The following ROBO2 variants were observed in gnomAD, a reference collection of about 807,000 sequenced individuals.
ROBO2 encodes roundabout guidance receptor 2.
Under a neutral mutation model 160.8 loss-of-function variants are expected in ROBO2, and 53 were observed. That is an observed-to-expected ratio of 0.33 (90% CI 0.26 to 0.41). ROBO2 has a LOEUF of 0.41. Ranked by LOEUF, ROBO2 falls within the 10% of genes least tolerant of loss-of-function variation. The probability of loss-of-function intolerance (pLI) is 1.00; values close to 1 mark genes in which losing one functional copy is unlikely to be tolerated. For synonymous variants in ROBO2, 664 were observed against 611.7 expected, an observed-to-expected ratio of 1.09 and a Z score of -1.26; for missense variants, 1,577 against 1,722.4, an observed-to-expected ratio of 0.92 and a Z score of 1.49.
At chr3:76,975,807 C>A (rs1051304519) in intron 2 of ROBO2, among the ~76,000 whole-genome samples, 3 of 151,884 alleles carry the variant, frequency 2.0e-5, no homozygotes, top group Admixed American at 2.0e-4. Flanking sequence ...GTGTGCTTAG[C>A]ATTAAAAAAA....
chr3:77,481,413 TTTAA>T (rs1300367867), intron 4 of ROBO2, among the ~76,000 whole-genome samples, 194 bp downstream of exon 4: 5 of 152,162 alleles, frequency 3.3e-5, no homozygotes, highest in African/African-American at 7.2e-5. Flanking sequence ...TATTTGAAAC[TTTAA>T]TTAACTTACA....
At chr3:76,383,882 A>G (rs911284903) in intron 2 of ROBO2, among the ~76,000 whole-genome samples, 6 of 152,192 alleles carry the variant, frequency 3.9e-5, no homozygotes, top group Non-Finnish European at 5.9e-5. Flanking sequence ...TGAATTTTCT[A>G]TGCGTCAGGG....
chr3:76,910,064 G>A (rs2148922983), intron 2 of ROBO2, among the ~76,000 whole-genome samples: 1 of 152,248 alleles, frequency 6.6e-6, no homozygotes, highest in East Asian at 1.9e-4. Flanking sequence ...AAACTGGCAT[G>A]TAACTACTGC....
chr3:77,456,371 TAGGTAGGAAAG>T (rs559012717), intron 2 of ROBO2, among the ~76,000 whole-genome samples: 26 of 152,254 alleles, frequency 1.7e-4, no homozygotes, highest in African/African-American at 6.0e-4. Context: ...GAATATTGGT[TAGGTAGGAAAG>T]AGGTAGGGGG....
At chr3:77,058,211 TA>T (rs1417551897) in intron 1 of ROBO2, among the ~76,000 whole-genome samples, 1 of 152,240 alleles carries the variant, frequency 6.6e-6, no homozygotes, top group Non-Finnish European at 1.5e-5. Context: ...TGAGCTTAGA[TA>T]TTTTTTGCTT....
rs570341479 is a variant in ROBO2 at position 76,898,746 on chromosome 3, C to T, written c.110-199268C>T. On this transcript the variant is annotated intron_variant, in intron 2 of 26. Transcript: ENST00000487694. Reference sequence around the variant, plus strand: ...AGCAAGTCTTCCTTCAGCAGTATGGCGGTGTGAAGAATCATTATTACATTA... The same window carrying T: ...AGCAAGTCTTCCTTCAGCAGTATGGTGGTGTGAAGAATCATTATTACATTA... Among the ~76,000 whole-genome samples the T allele has an allele frequency of 2.2e-4, 33 of 152,056 alleles. 1 individual carries two copies. Among genetic ancestry groups the T allele is most frequent in the South Asian group, 2.1e-3 (10 of 4,830 alleles).
intron 2 of ROBO2, among the ~76,000 whole-genome samples, chr3:77,134,286 A>G (rs1337678345): frequency 6.6e-6 from 1 of 152,232 alleles, no homozygotes; most frequent in Non-Finnish European, 1.5e-5. Flanking sequence ...ATGATAGGTA[A>G]GCTTTTAAAA....
At chr3:76,378,732 G>A (rs1325654944) in intron 2 of ROBO2, among the ~76,000 whole-genome samples, 1 of 152,170 alleles carries the variant, frequency 6.6e-6, no homozygotes, top group African/African-American at 2.4e-5. Context: ...ATCTTCAGCT[G>A]GTTCCAAGGA....
chr3:76,399,086 C>G (rs1267980204), intron 2 of ROBO2, among the ~76,000 whole-genome samples: 1 of 151,300 alleles, frequency 6.6e-6, no homozygotes, highest in Non-Finnish European at 1.5e-5. Flanking sequence ...ATATTAGGCA[C>G]GCAAGCATAA....
chr3:77,347,165 A>G (rs1241213096), intron 2 of ROBO2, among the ~76,000 whole-genome samples: 1 of 152,150 alleles, frequency 6.6e-6, no homozygotes, highest in African/African-American at 2.4e-5. Context: ...CAGTGACACA[A>G]GGAATCATGG....
intron 2 of ROBO2, among the ~76,000 whole-genome samples, chr3:76,063,343 C>CTTT (rs35062174): frequency 1.5e-5 from 2 of 134,764 alleles, no homozygotes; most frequent in Admixed American, 7.5e-5. Flanking sequence ...GCCCTCCTCC[C>CTTT]TTTTTTTTTT....
At chr3:76,461,814 T>A (rs2078101810) in intron 2 of ROBO2, among the ~76,000 whole-genome samples, 1 of 152,210 alleles carries the variant, frequency 6.6e-6, no homozygotes. Context: ...TTTTAAATAT[T>A]TTTCTTTTTG....
At chr3:77,588,142 T>G (rs1172705007) in intron 16 of ROBO2, among the ~76,000 whole-genome samples, 1 of 152,062 alleles carries the variant, frequency 6.6e-6, no homozygotes, top group East Asian at 1.9e-4. Flanking sequence ...ATATATGAGT[T>G]TCATCTTTTT....
chr3:77,079,664 T>C (rs913840397), intron 1 of ROBO2, among the ~76,000 whole-genome samples: 2 of 152,228 alleles, frequency 1.3e-5, no homozygotes, highest in African/African-American at 4.8e-5. Context: ...TTAATTTATT[T>C]TTGTTAATTA....
intron 2 of ROBO2, among the ~76,000 whole-genome samples, chr3:76,044,534 CAG>C (rs1272948843): frequency 1.6e-5 from 2 of 128,904 alleles, no homozygotes; most frequent in Non-Finnish European, 3.2e-5. Flanking sequence ...GTCACAGTCA[CAG>C]AGATTCATTC....
intron 2 of ROBO2, among the ~76,000 whole-genome samples, chr3:77,034,775 A>T (rs566020844): frequency 6.6e-6 from 1 of 151,996 alleles, no homozygotes; most frequent in South Asian, 2.1e-4. Flanking sequence ...TTTAAAATAA[A>T]TTTTTCTATT....
intron 2 of ROBO2, among the ~76,000 whole-genome samples, chr3:76,303,956 A>G (rs557624433): frequency 1.3e-5 from 2 of 152,340 alleles, no homozygotes; most frequent in Admixed American, 6.5e-5. Flanking sequence ...CTCTGTAGAA[A>G]TCACTGGCAA....
At chr3:77,111,656 A>T (rs1560033393) in intron 2 of ROBO2, among the ~76,000 whole-genome samples, 1 of 152,064 alleles carries the variant, frequency 6.6e-6, no homozygotes, top group Non-Finnish European at 1.5e-5. Flanking sequence ...TAGTTTAAGG[A>T]TAGATTTTAT....
chr3:77,524,592 T>G (rs2153629651), intron 6 of ROBO2, among the ~76,000 whole-genome samples: 1 of 151,380 alleles, frequency 6.6e-6, no homozygotes. Context: ...AGCAGCAGGG[T>G]TTCTTTTATA....
Sources: gnomAD v4.1 joint callset for allele counts (sites outside exome capture counted in the v4.1 genomes callset) on GRCh38, gnomAD v4.1.1 for gene constraint, MANE v1.5 for transcripts, NCBI Gene and HGNC (gene_info 2026-07-23, HGNC 2026-07-21) for gene names.